RBFOX3: variants seen among roughly 807,000 people sequenced by gnomAD.
The protein encoded by RBFOX3 is RNA binding fox-1 homolog 3.
A neutral mutation model predicts 48.7 loss-of-function variants in RBFOX3; 17 were observed. The ratio of observed to expected loss-of-function variants is 0.35; its 90% CI spans 0.24 to 0.52. The LOEUF (loss-of-function observed/expected upper bound fraction) is 0.52. Among genes scored for constraint, RBFOX3 ranks in the 20% least tolerant of loss-of-function variants. The pLI is 0.94. For synonymous variants in RBFOX3, 212 were observed against 209.5 expected, an observed-to-expected ratio of 1.01 and a Z score of -0.10; for missense variants, 382 against 497.5, an observed-to-expected ratio of 0.77 and a Z score of 2.21.
At chr17:79,326,417 T>C (rs1257534629) in intron 2 of RBFOX3, among the ~76,000 whole-genome samples, 1 of 152,212 alleles carries the variant, frequency 6.6e-6, no homozygotes. Context: ...CCATGCACTT[T>C]GACACTGATG....
chr17:79,561,990 G>A (rs2092253481), intron 1 of RBFOX3, among the ~76,000 whole-genome samples: 1 of 152,298 alleles, frequency 6.6e-6, no homozygotes, highest in Admixed American at 6.5e-5. Flanking sequence ...CACCTCATGG[G>A]GACAAGCTAA....
intron 4 of RBFOX3, among the ~76,000 whole-genome samples, chr17:79,182,510 G>A (rs989654364): frequency 1.3e-5 from 2 of 152,106 alleles, no homozygotes; most frequent in Non-Finnish European, 2.9e-5. Flanking sequence ...GCATTGGGTG[G>A]CAGCGCAGGA....
At chr17:79,155,019 T>C (rs2045461026) in intron 4 of RBFOX3, among the ~76,000 whole-genome samples, 1 of 140,306 alleles carries the variant, frequency 7.1e-6, no homozygotes, top group Non-Finnish European at 1.6e-5. Context: ...GTGCCAGGCA[T>C]CCAAAGGGTG....
At chr17:79,117,616 A>T (rs1044098873) in intron 4 of RBFOX3, among the ~76,000 whole-genome samples, 1 of 152,116 alleles carries the variant, frequency 6.6e-6, no homozygotes, top group Admixed American at 6.5e-5. Flanking sequence ...GGAGCCCCTC[A>T]TGTGCCCATG....
At chr17:79,274,546 C>T (rs373593523) in intron 3 of RBFOX3, among the ~76,000 whole-genome samples, 2 of 152,090 alleles carry the variant, frequency 1.3e-5, no homozygotes, top group African/African-American at 4.8e-5. Flanking sequence ...GACCTCTGTC[C>T]TCCCACCTGC....
At chr17:79,190,919 C>T (rs1040507509) in intron 4 of RBFOX3, among the ~76,000 whole-genome samples, 7 of 152,216 alleles carry the variant, frequency 4.6e-5, no homozygotes, top group African/African-American at 1.7e-4. Flanking sequence ...AAAGGGAAGA[C>T]TGTACACACA....
In RBFOX3 at chr17:79,198,925, G is replaced by A. The variant is rs2056259000; in HGVS notation, c.-34+36841C>T. On this transcript the variant is annotated intron_variant, in intron 4 of 14. Transcript: ENST00000693108. The surrounding 1 kb of genome is among the most constrained non-coding windows in gnomAD (Gnocchi z 8.2). ...ATTACAGGTGTGAGCCACTGCACCT[G>A]GCCGAGCTTTTTGATGCCTAATATT... is the stretch of plus-strand genomic sequence containing the variant. Among the ~76,000 whole-genome samples, 1 of 152,180 alleles carries A rather than the reference G, an allele frequency of 6.6e-6. No individual in the cohort carries two copies. The highest frequency in any genetic ancestry group is 1.5e-5 in the Non-Finnish European group (1 of 68,034).
chr17:79,285,987 C>T (rs2071779397), intron 3 of RBFOX3, among the ~76,000 whole-genome samples: 1 of 152,192 alleles, frequency 6.6e-6, no homozygotes, highest in East Asian at 1.9e-4. Flanking sequence ...CCGGCCTGTG[C>T]ATTGGGTTTT....
intron 2 of RBFOX3, among the ~76,000 whole-genome samples, chr17:79,468,479 G>T (rs2076599785): frequency 6.6e-6 from 1 of 152,100 alleles, no homozygotes; most frequent in Non-Finnish European, 1.5e-5. Flanking sequence ...TGGATAGACG[G>T]GTACACACAT....
the RBFOX3 span, among the ~76,000 whole-genome samples, chr17:79,649,239 C>A: frequency 8.5e-5 from 13 of 152,260 alleles, no homozygotes; most frequent in African/African-American, 3.1e-4. Context: ...CTTGGCTTCC[C>A]AAAGTGCTGG....
At chr17:79,555,487 ATGACAG>A (rs2091611120) in intron 1 of RBFOX3, among the ~76,000 whole-genome samples, 5 of 139,026 alleles carry the variant, frequency 3.6e-5, no homozygotes, top group African/African-American at 1.2e-4. Context: ...AATGGTGGTG[ATGACAG>A]TGGTGGTGGT....
intron 4 of RBFOX3, among the ~76,000 whole-genome samples, chr17:79,215,432 A>G (rs980100616): frequency 4.0e-4 from 61 of 152,164 alleles, no homozygotes; most frequent in Non-Finnish European, 1.3e-4. Context: ...CCAAGGACGT[A>G]GCACTGTCAA....
chr17:79,360,260 A>G (rs2086055888), intron 2 of RBFOX3, among the ~76,000 whole-genome samples: 1 of 152,148 alleles, frequency 6.6e-6, no homozygotes. Context: ...CAACCAACAA[A>G]AGCAAAGCGA....
intron 2 of RBFOX3, among the ~76,000 whole-genome samples, chr17:79,324,157 G>C (rs372369656): frequency 2.6e-5 from 4 of 152,182 alleles, no homozygotes; most frequent in East Asian, 3.9e-4. Flanking sequence ...GGGCCTCCCT[G>C]CAATAGGAAA....
intron 2 of RBFOX3, among the ~76,000 whole-genome samples, chr17:79,424,723 G>C (rs1438309269): frequency 6.6e-6 from 1 of 152,108 alleles, no homozygotes; most frequent in African/African-American, 2.4e-5. Flanking sequence ...CTTCCCCCTC[G>C]GGCCGGGCCG....
chr17:79,438,099 C>T (rs1384835485), intron 2 of RBFOX3, among the ~76,000 whole-genome samples: 5 of 25,380 alleles, frequency 2.0e-4, no homozygotes, highest in Admixed American at 6.2e-4. Flanking sequence ...CACAGGTGCA[C>T]AGGCGCACAC....
At chr17:79,225,753 A>G (rs1305593326) in intron 4 of RBFOX3, among the ~76,000 whole-genome samples, 2 of 152,342 alleles carry the variant, frequency 1.3e-5, no homozygotes, top group East Asian at 3.9e-4. Context: ...CTCAGCAGCA[A>G]GTCCACAAAT....
intron 1 of RBFOX3, among the ~76,000 whole-genome samples, chr17:79,493,502 T>C (rs2149628365): frequency 6.6e-6 from 1 of 152,268 alleles, no homozygotes; most frequent in South Asian, 2.1e-4. Flanking sequence ...GCCTGGCTGC[T>C]GGCCCCATCA....
intron 1 of RBFOX3, among the ~76,000 whole-genome samples, chr17:79,533,840 A>G (rs1300040058): frequency 6.6e-6 from 1 of 152,244 alleles, no homozygotes; most frequent in Admixed American, 6.5e-5. Context: ...AGAAGAAAAT[A>G]AAAATAACCC....
Sources: gnomAD v4.1 joint callset for allele counts (sites outside exome capture counted in the v4.1 genomes callset) on GRCh38, gnomAD v4.1.1 for gene constraint, Gnocchi (gnomAD v3.1) non-coding constraint, MANE v1.5 for transcripts, NCBI Gene and HGNC (gene_info 2026-07-23, HGNC 2026-07-21) for gene names.